The following IFNLR1 variants were observed in gnomAD, a reference collection of about 807,000 sequenced individuals.
IFNLR1 encodes interferon lambda receptor 1, also known as CRF2-12.
IFNLR1 carries 28 observed loss-of-function variants against 52.5 expected under a neutral mutation model. The observed-to-expected ratio is 0.53, with a 90% CI of 0.40 to 0.73. The LOEUF (loss-of-function observed/expected upper bound fraction) is 0.73. Among genes scored for constraint, IFNLR1 ranks in the 30% least tolerant of loss-of-function variants. The probability of loss-of-function intolerance (pLI) is 0.00; values close to 1 mark genes in which losing one functional copy is unlikely to be tolerated. For missense variants in IFNLR1, 623 were observed against 659.1 expected (o/e 0.95, Z 0.60); for synonymous variants, 276 against 274.9 (o/e 1.00, Z -0.04).
chr1:24,155,565 T>G lies in IFNLR1; in HGVS notation c.*1565A>C, dbSNP rs1470649898. ...CTCTGGTGAAAGTGGGAGGCTCCTATAGCCCCATGGCGCCCCCTGCAACTG... is the reference window on the plus strand; with the variant it reads ...CTCTGGTGAAAGTGGGAGGCTCCTAGAGCCCCATGGCGCCCCCTGCAACTG... On this transcript the variant is annotated 3_prime_UTR_variant, in exon 7 of 7. Transcript: ENST00000327535. The G allele has an allele frequency of 6.6e-6, 1 of 152,252 alleles. No individual in the cohort carries two copies. The highest frequency in any genetic ancestry group is 2.4e-5 in the African/African-American group (1 of 41,450). The allele number at this position is 152,252 out of a possible 1,614,324, so 9.4% of individuals were successfully genotyped here.
At chr1:24,163,765 G>A (rs905569670) in intron 3 of IFNLR1, among the ~76,000 whole-genome samples, 5 of 152,050 alleles carry the variant, frequency 3.3e-5, no homozygotes, top group Non-Finnish European at 4.4e-5. Context: ...TTTTAGTAGA[G>A]ATGGGGTTTC....
Position 24,169,422 on chromosome 1 carries a change from A to G in IFNLR1, c.362T>C (p.Phe121Ser). ...WVESEYLDYLFEVEPAPPVLV... is the reference protein window; with the variant it reads ...WVESEYLDYLSEVEPAPPVLV... The stretch of plus-strand genomic sequence containing the variant: ...TCCCTTACCCACAGACCTACCTTCA[A>G]AAAGGTAATCCAGGTATTCGGACTC... The change falls in exon 3 of 7, where the codon TTT (phenylalanine) becomes TCT (serine). Residue 121 changes from phenylalanine (F) to serine (S), a missense_variant. Phe to Ser is a radical substitution (Grantham distance 155). Coordinates refer to ENST00000327535, the MANE Select transcript of IFNLR1 (RefSeq NM_170743.4). 6.2e-7 allele frequency: 1 copy of G among 1,613,590 alleles called. No individual in the cohort carries two copies. The highest frequency in any genetic ancestry group is 8.5e-7 in the Non-Finnish European group (1 of 1,179,630).
chr1:24,160,060 G>C (rs1644426490), intron 4 of IFNLR1, among the ~76,000 whole-genome samples: 1 of 152,160 alleles, frequency 6.6e-6, no homozygotes, highest in African/African-American at 2.4e-5. Context: ...CACTTCCCAA[G>C]ACTACCTGAG....
chr1:24,166,660 C>T (rs1464672431), intron 3 of IFNLR1, among the ~76,000 whole-genome samples: 1 of 152,164 alleles, frequency 6.6e-6, no homozygotes, highest in African/African-American at 2.4e-5. Flanking sequence ...CATCCTCCTA[C>T]CTTGGCCTCC....
intron 3 of IFNLR1, among the ~76,000 whole-genome samples, chr1:24,163,560 C>T (rs1644486598): frequency 6.7e-6 from 1 of 149,908 alleles, no homozygotes; most frequent in South Asian, 2.1e-4. Context: ...TGTCCCCCAC[C>T]CAAAATCCAC....
chr1:24,160,135 C>T (rs560625716), intron 4 of IFNLR1, among the ~76,000 whole-genome samples: 3 of 152,284 alleles, frequency 2.0e-5, no homozygotes, highest in African/African-American at 7.2e-5. Flanking sequence ...CACTTGGGGT[C>T]GCCCTGGCGT....
intron 5 of IFNLR1, 65 bp downstream of exon 5, chr1:24,159,409 A>T (rs1644416311): frequency 4.8e-6 from 7 of 1,473,048 alleles, no homozygotes; most frequent in Non-Finnish European, 6.6e-6. Flanking sequence ...GTTCTTAACC[A>T]CTGTGTCACG....
chr1:24,171,877 A>G (rs537783587), intron 2 of IFNLR1, among the ~76,000 whole-genome samples: 41 of 152,034 alleles, frequency 2.7e-4, no homozygotes, highest in Middle Eastern at 6.8e-3. Flanking sequence ...GCTGGTCTCA[A>G]ACTCCTGACC....
intron 1 of IFNLR1, among the ~76,000 whole-genome samples, chr1:24,183,991 A>G (rs1323109168): frequency 2.0e-5 from 3 of 152,164 alleles, no homozygotes; most frequent in African/African-American, 7.2e-5. Flanking sequence ...TGGCCTCTCA[A>G]AGTGCTGGGA....
At chr1:24,159,372 T>A (rs1323649242) in intron 5 of IFNLR1, 102 bp downstream of exon 5, 1 of 1,305,112 alleles carries the variant, frequency 7.7e-7, no homozygotes, top group East Asian at 2.3e-5. Context: ...GTGGTTTTAA[T>A]CCAGGCGAGT....
At chr1:24,169,971 A>C (rs1247192470) in intron 2 of IFNLR1, among the ~76,000 whole-genome samples, 1 of 152,186 alleles carries the variant, frequency 6.6e-6, no homozygotes, top group East Asian at 1.9e-4. Flanking sequence ...TTTATGGGCC[A>C]CCTGCTGCAT....
chr1:24,180,934 C>T (rs543234238), intron 1 of IFNLR1, 80 bp from the exon 2 acceptor site: 27 of 1,469,172 alleles, frequency 1.8e-5, no homozygotes, highest in Middle Eastern at 2.4e-4. Context: ...AGGGGCAGCA[C>T]GAAGGGCAAG....
At chr1:24,160,680 A>G (rs369531636) in intron 4 of IFNLR1, among the ~76,000 whole-genome samples, 1 of 152,228 alleles carries the variant, frequency 6.6e-6, no homozygotes, top group African/African-American at 2.4e-5. Flanking sequence ...ATTCAAGAGC[A>G]GAGGCCCAGG....
chr1:24,168,254 C>T (rs1323792336), intron 3 of IFNLR1, among the ~76,000 whole-genome samples: 1 of 152,076 alleles, frequency 6.6e-6, no homozygotes, highest in African/African-American at 2.4e-5. Context: ...CCACACGAAT[C>T]ATCTCTTCTT....
chr1:24,162,739 TC>T (rs1644461209), intron 3 of IFNLR1, among the ~76,000 whole-genome samples: 1 of 24,874 alleles, frequency 4.0e-5, no homozygotes, highest in Non-Finnish European at 8.4e-5. Flanking sequence ...TTTCTTTCTT[TC>T]TTTCTTTCTT....
At chr1:24,176,666 G>C (rs905867516) in intron 2 of IFNLR1, among the ~76,000 whole-genome samples, 3 of 152,300 alleles carry the variant, frequency 2.0e-5, no homozygotes, top group Admixed American at 6.5e-5. Context: ...TCTCACACAT[G>C]GAAGCATACA....
chr1:24,185,231 C>A (rs1361177233), intron 1 of IFNLR1, among the ~76,000 whole-genome samples: 1 of 152,096 alleles, frequency 6.6e-6, no homozygotes, highest in East Asian at 1.9e-4. Context: ...CAGATTCAGT[C>A]CAGGCCTAGC....
intron 3 of IFNLR1, among the ~76,000 whole-genome samples, chr1:24,163,127 C>G (rs1252435683): frequency 1.3e-5 from 2 of 151,440 alleles, no homozygotes; most frequent in Admixed American, 6.6e-5. Context: ...CTCCCGGACA[C>G]TTTTTGTATT....
At chr1:24,182,896 G>C (rs1381059211) in intron 1 of IFNLR1, among the ~76,000 whole-genome samples, 1 of 151,920 alleles carries the variant, frequency 6.6e-6, no homozygotes, top group East Asian at 1.9e-4. Context: ...CTCCAGCCTG[G>C]TGACACAGTG....
Sources: gnomAD v4.1 joint callset for allele counts (sites outside exome capture counted in the v4.1 genomes callset) on GRCh38, gnomAD v4.1.1 for gene constraint, MANE v1.5 for transcripts, NCBI Gene and HGNC (gene_info 2026-07-23, HGNC 2026-07-21) for gene names.